The following CTCFL variants were observed in gnomAD, a reference collection of about 807,000 sequenced individuals.
CTCFL encodes CCCTC-binding factor like.
Under a neutral mutation model 67.4 loss-of-function variants are expected in CTCFL, and 36 were observed. That is an observed-to-expected ratio of 0.53 (90% confidence interval 0.41 to 0.71). The LOEUF is 0.71. Among genes scored for constraint, CTCFL ranks in the 30% least tolerant of loss-of-function variants. The pLI is 0.00. For missense variants in CTCFL, 786 were observed against 835.2 expected, an observed-to-expected ratio of 0.94 and a Z score of 0.73; for synonymous variants, 324 against 302.3, an observed-to-expected ratio of 1.07 and a Z score of -0.75.
intron 7 of CTCFL, chr20:57,513,953 G>A (rs1192710059): frequency 9.8e-6 from 12 of 1,222,052 alleles, no homozygotes; most frequent in Non-Finnish European, 1.3e-5. Flanking sequence ...CTTCCCCACA[G>A]GCAGTATCAA....
chr20:57,507,303 C>T (rs114249058), intron 9 of CTCFL: 4,828 of 408,200 alleles, frequency 0.012, 152 homozygotes, highest in African/African-American at 0.063. Context: ...GTGATCCTCC[C>T]GTCCCAACCA....
chr20:57,501,959 G>C (rs774608966), intron 10 of CTCFL, among the ~76,000 whole-genome samples: 10 of 152,256 alleles, frequency 6.6e-5, no homozygotes, highest in Admixed American at 1.3e-4. Flanking sequence ...CCCCTGCAGA[G>C]GCCTGTGGTC....
chr20:57,501,469 G>A (rs2067913872), intron 10 of CTCFL, among the ~76,000 whole-genome samples: 1 of 152,008 alleles, frequency 6.6e-6, no homozygotes, highest in Non-Finnish European at 1.5e-5. Context: ...TAGATGGGAG[G>A]GGTGGCTCCT....
chr20:57,496,343 C>G, downstream of CTCFL: 1 of 673,988 alleles, frequency 1.5e-6, no homozygotes, highest in Non-Finnish European at 2.7e-6. Context: ...CCAACATCAT[C>G]CTTCCTGTAC....
chr20:57,515,030 T>C lies in CTCFL; in HGVS notation c.1181-289A>G, dbSNP rs184851928. On this transcript the variant is annotated intron_variant, in intron 6 of 10. Coordinates refer to ENST00000243914, the MANE Select transcript of CTCFL (RefSeq NM_001386993.1). ...TGTACGAATAACCAAGAAGTACACA[T>C]AAATGTATTCTTAACACAAGACATC... The C allele has an allele frequency of 1.3e-4, 50 of 395,466 alleles. No individual in the cohort carries two copies. The East Asian group carries it at 1.7e-3, about 14-fold the overall frequency. The allele number at this position is 395,466 out of a possible 1,614,324, so 24.5% of individuals were successfully genotyped here.
intron 1 of CTCFL, 42 bp from the exon 2 acceptor site, chr20:57,524,258 G>A: frequency 6.4e-7 from 1 of 1,564,022 alleles, no homozygotes; most frequent in Non-Finnish European, 8.6e-7. Flanking sequence ...GGGGGGAGAA[G>A]GGGGTGGTAT....
chr20:57,516,294 T>C (rs903039418), intron 5 of CTCFL, among the ~76,000 whole-genome samples: 1 of 152,148 alleles, frequency 6.6e-6, no homozygotes, highest in African/African-American at 2.4e-5. Context: ...TCCCAGCACT[T>C]TGGGAGGCTG....
Position 57,518,882 on chromosome 20 carries a change from G to A in CTCFL, c.935C>T (p.Pro312Leu). Residue 312 changes from proline to leucine, a missense_variant, in exon 5 of 11, where the codon CCC becomes CTC. Pro to Leu is a moderately conservative substitution (Grantham distance 98, BLOSUM62 -3). Coordinates refer to ENST00000243914, the MANE Select transcript of CTCFL (RefSeq NM_001386993.1). ...NHVNTHTGTR[P>L]YKCNDCNMAF... ...CATGTTGCAGTCGTTACACTTGTAG[G>A]GCCTGGTTCCTGTAAAATCACATAG... 1.2e-6 allele frequency: 2 copies of A among 1,611,154 alleles called. No homozygotes were observed. The highest frequency in any genetic ancestry group is 2.2e-5 in the South Asian group (2 of 90,788).
chr20:57,520,918 A>C (rs1051170472), intron 3 of CTCFL, among the ~76,000 whole-genome samples: 15 of 152,210 alleles, frequency 9.9e-5, no homozygotes, highest in African/African-American at 3.6e-4. Flanking sequence ...AGCCAGTATG[A>C]CTGGTGTCCT....
intron 3 of CTCFL, among the ~76,000 whole-genome samples, chr20:57,521,691 G>A (rs953111217): frequency 6.6e-6 from 1 of 152,060 alleles, no homozygotes; most frequent in South Asian, 2.1e-4. Context: ...GTGAATGAAG[G>A]GATAAATAAA....
At chr20:57,500,392 CGGTGAGCTGAGA>C in intron 10 of CTCFL, 1 of 232,618 alleles carries the variant, frequency 4.3e-6, no homozygotes, top group South Asian at 4.0e-5. Context: ...GCAGAGGTTG[CGGTGAGCTGAGA>C]TCACACCTGG....
intron 3 of CTCFL, among the ~76,000 whole-genome samples, chr20:57,519,788 G>C (rs895904573): frequency 6.6e-6 from 1 of 152,068 alleles, no homozygotes; most frequent in African/African-American, 2.4e-5. Context: ...AAGATAACCC[G>C]CCCCATCTCT....
At chr20:57,500,178 C>T (rs936750680) in intron 10 of CTCFL, 6 of 985,598 alleles carry the variant, frequency 6.1e-6, no homozygotes, top group Non-Finnish European at 7.2e-6. Context: ...AAACTGGTGC[C>T]ATCAGGCCAG....
At chr20:57,514,330 G>A (rs2068759210) in intron 7 of CTCFL, among the ~76,000 whole-genome samples, 1 of 152,166 alleles carries the variant, frequency 6.6e-6, no homozygotes, top group African/African-American at 2.4e-5. Flanking sequence ...GTGGAATGAA[G>A]TAATACCCAT....
intron 9 of CTCFL, chr20:57,506,856 G>GT: frequency 1.0e-6 from 1 of 984,996 alleles, no homozygotes; most frequent in Non-Finnish European, 1.2e-6. Flanking sequence ...GAGCAATGGT[G>GT]TTTTGGGAGC....
rs1435884851 is a variant in CTCFL at position 57,507,440 on chromosome 20, C to T, written c.1674+1166G>A. Reference sequence around the variant, plus strand: ...CTTGAGCTCCTGGCCTCAAGTTATCCACCTGCCTTGGCCTCCCGAAGTACT... The same window carrying T: ...CTTGAGCTCCTGGCCTCAAGTTATCTACCTGCCTTGGCCTCCCGAAGTACT... On this transcript the variant is annotated intron_variant, in intron 9 of 10. Transcript: ENST00000243914. 4.8e-6 allele frequency: 3 copies of T among 628,736 alleles called. No homozygotes were observed. The East Asian group carries it at 8.2e-5, about 17-fold the overall frequency. The allele number at this position is 628,736 out of a possible 1,614,324, so 38.9% of individuals were successfully genotyped here.
chr20:57,500,079 T>C lies in CTCFL; in HGVS notation c.1841-1378A>G, dbSNP rs1248926918. ...GAGGATATTTTTGTCCATGCTTCCT[T>C]GAAGTATTTTTTTTTTTTTTTTTTT... On this transcript the variant is annotated intron_variant, in intron 10 of 10. Coordinates refer to ENST00000243914, the MANE Select transcript of CTCFL (RefSeq NM_001386993.1). 7 of 969,508 alleles carry C rather than the reference T, an allele frequency of 7.2e-6. No homozygotes were observed. In the Admixed American group the frequency reaches 2.9e-4, roughly 41 times the overall value. The allele number at this position is 969,508 out of a possible 1,614,324, so 60.1% of individuals were successfully genotyped here. A position where few individuals can be genotyped will look rare whatever the true frequency, so the allele number is the denominator to read the frequency against.
intron 8 of CTCFL, among the ~76,000 whole-genome samples, chr20:57,512,151 C>T (rs535562963): frequency 6.6e-6 from 1 of 152,168 alleles, no homozygotes; most frequent in Non-Finnish European, 1.5e-5. Flanking sequence ...AAGTTAACAA[C>T]TTTAACTGCC....
chr20:57,506,376 T>C (rs2068210513), intron 9 of CTCFL, among the ~76,000 whole-genome samples: 1 of 152,224 alleles, frequency 6.6e-6, no homozygotes, highest in Non-Finnish European at 1.5e-5. Flanking sequence ...CAGTCTCAGC[T>C]CACTGCAACC....
Sources: gnomAD v4.1 joint callset for allele counts (sites outside exome capture counted in the v4.1 genomes callset) on GRCh38, gnomAD v4.1.1 for gene constraint, MANE v1.5 for transcripts, NCBI Gene and HGNC (gene_info 2026-07-23, HGNC 2026-07-21) for gene names.